DNER: variants seen among roughly 807,000 people sequenced by gnomAD.
DNER encodes delta/notch like EGF repeat containing, also known as delta and Notch-like epidermal growth factor-related receptor.
A neutral mutation model predicts 78.2 loss-of-function variants in DNER; 33 were observed. The observed-to-expected ratio is 0.42, with a 90% confidence interval of 0.32 to 0.56. The LOEUF (loss-of-function observed/expected upper bound fraction) is 0.56, where lower values mean the gene tolerates loss of function less well. DNER is among the 20% of genes least tolerant of loss of function. The pLI is 0.11. For synonymous variants in DNER, 417 were observed against 384.8 expected, an observed-to-expected ratio of 1.08 and a Z score of -0.98; for missense variants, 918 against 975.3, an observed-to-expected ratio of 0.94 and a Z score of 0.78.
intron 1 of DNER, among the ~76,000 whole-genome samples, chr2:229,680,468 T>C (rs1699367484): frequency 6.6e-6 from 1 of 152,236 alleles, no homozygotes; most frequent in African/African-American, 2.4e-5. Context: ...GAAGAACCAC[T>C]GCCCCCCAGA....
intron 1 of DNER, among the ~76,000 whole-genome samples, chr2:229,661,758 T>TCG (rs759864444): frequency 6.6e-6 from 1 of 152,196 alleles, no homozygotes; most frequent in Non-Finnish European, 1.5e-5. Flanking sequence ...AGTGGAAACT[T>TCG]TTTCAATTAA....
In DNER at chr2:229,631,448, A is replaced by G. The variant is rs1356546342; in HGVS notation, c.277-39560T>C. ...CTCCCCTCCAGCTTCTTCTTAAAAT[A>G]TAGAAAGAAGATGTCTGGAGGAAGA... On this transcript the variant is annotated intron_variant, in intron 1 of 12. Coordinates refer to ENST00000341772, the MANE Select transcript of DNER (RefSeq NM_139072.4). Among the ~76,000 whole-genome samples the G allele has an allele frequency of 2.0e-5, 3 of 152,244 alleles. No homozygotes were observed. The East Asian group carries it at 5.8e-4, about 29-fold the overall frequency.
chr2:229,373,913 C>T (rs1692544812), intron 11 of DNER, among the ~76,000 whole-genome samples: 1 of 152,122 alleles, frequency 6.6e-6, no homozygotes, highest in East Asian at 1.9e-4. Context: ...ACCTGTAATC[C>T]CAGCAGTTTG....
chr2:229,557,565 G>T (rs1696874328), intron 4 of DNER, among the ~76,000 whole-genome samples: 1 of 152,060 alleles, frequency 6.6e-6, no homozygotes, highest in East Asian at 1.9e-4. Flanking sequence ...CAATGAAGGT[G>T]CCCCAATAAA....
chr2:229,435,919 A>C (rs1321405796), intron 8 of DNER, among the ~76,000 whole-genome samples: 1 of 152,226 alleles, frequency 6.6e-6, no homozygotes, highest in Non-Finnish European at 1.5e-5. Context: ...AAAGATAAAC[A>C]TGTGCCTAAC....
At chr2:229,504,996 G>A (rs1695705309) in intron 6 of DNER, among the ~76,000 whole-genome samples, 1 of 152,318 alleles carries the variant, frequency 6.6e-6, no homozygotes, top group Non-Finnish European at 1.5e-5. Context: ...CCCTCCAGCC[G>A]TCCCTTTGCC....
intron 11 of DNER, among the ~76,000 whole-genome samples, chr2:229,371,092 T>C (rs1366334284): frequency 6.6e-6 from 1 of 152,194 alleles, no homozygotes; most frequent in Non-Finnish European, 1.5e-5. Context: ...CTTTCCTCTC[T>C]CCCCCTGCCC....
intron 5 of DNER, among the ~76,000 whole-genome samples, chr2:229,539,674 TC>T: frequency 6.6e-6 from 1 of 152,328 alleles, no homozygotes; most frequent in South Asian, 2.1e-4. Flanking sequence ...GATAGACAGT[TC>T]CTGAGCATCC....
chr2:229,612,568 G>A (rs558249640), intron 1 of DNER, among the ~76,000 whole-genome samples: 3 of 152,326 alleles, frequency 2.0e-5, no homozygotes, highest in Non-Finnish European at 4.4e-5. Context: ...GCTGTCCCTC[G>A]GAAGCTTGCA....
Position 229,513,449 on chromosome 2 carries a change from G to T in DNER, c.994-513C>A, listed in dbSNP as rs531855473. On this transcript the variant is annotated intron_variant, in intron 5 of 12. Coordinates refer to ENST00000341772, the MANE Select transcript of DNER (RefSeq NM_139072.4). ...ATGTACAGCCATGCAGATTACCTGA[G>T]TGCAAGGGAAAATAAAAGGAGTATA... Among the ~76,000 whole-genome samples, 10 of 152,312 alleles carry T rather than the reference G, an allele frequency of 6.6e-5. No homozygotes were observed. The South Asian group carries it at 2.1e-3, about 32-fold the overall frequency.
chr2:229,699,329 T>G (rs1699708500), intron 1 of DNER, among the ~76,000 whole-genome samples: 1 of 152,224 alleles, frequency 6.6e-6, no homozygotes, highest in Non-Finnish European at 1.5e-5. Flanking sequence ...CAACCCTTCT[T>G]AAAATAGGCA....
chr2:229,449,054 T>C (rs1350542159), intron 7 of DNER, among the ~76,000 whole-genome samples: 1 of 152,204 alleles, frequency 6.6e-6, no homozygotes, highest in Non-Finnish European at 1.5e-5. Flanking sequence ...TATAAAATTA[T>C]CCTCCAAAAA....
intron 8 of DNER, among the ~76,000 whole-genome samples, chr2:229,427,356 G>A (rs985039710): frequency 1.3e-5 from 2 of 152,172 alleles, no homozygotes; most frequent in African/African-American, 4.8e-5. Flanking sequence ...CTCCTTGATC[G>A]ATTCATTCTT....
chr2:229,705,309 C>T (rs753692343), intron 1 of DNER, among the ~76,000 whole-genome samples: 18 of 152,214 alleles, frequency 1.2e-4, no homozygotes, highest in African/African-American at 1.9e-4. Flanking sequence ...TTCTAAAGGA[C>T]CTGCTTGCTT....
chr2:229,672,770 TTCACAGTAG>T lies in DNER; in HGVS notation c.276+41369_276+41377del, dbSNP rs1320126047. 3.3e-5 allele frequency among the ~76,000 whole-genome samples: 5 copies of T among 152,278 alleles called. No individual in the cohort carries two copies. The East Asian group carries it at 7.7e-4, about 24-fold the overall frequency. Reference sequence around the variant, plus strand: ...ACTGTCACCACATTCTCCTATTCTCTTCACAGTAGTCACAAGTCTGCCTGCCCATGTTTA... The same window carrying T: ...ACTGTCACCACATTCTCCTATTCTCTTCACAAGTCTGCCTGCCCATGTTTA... On this transcript the variant is annotated intron_variant, in intron 1 of 12. Transcript: ENST00000341772.
At chr2:229,439,479 C>T (rs1694190170) in intron 8 of DNER, among the ~76,000 whole-genome samples, 3 of 152,180 alleles carry the variant, frequency 2.0e-5, no homozygotes. Flanking sequence ...GCCAATGGCA[C>T]AGCTGTTCGG....
chr2:229,641,008 C>G (rs1698611950), intron 1 of DNER, among the ~76,000 whole-genome samples: 1 of 152,068 alleles, frequency 6.6e-6, no homozygotes, highest in South Asian at 2.1e-4. Flanking sequence ...AAAGAGTTGT[C>G]TTGGGTCTGG....
intron 8 of DNER, 28 bp downstream of exon 8, chr2:229,447,288 A>C (rs1201096184): frequency 6.5e-7 from 1 of 1,547,344 alleles, no homozygotes; most frequent in Admixed American, 1.9e-5. Flanking sequence ...GAGAAAAGGA[A>C]GATGTACTGT....
intron 6 of DNER, among the ~76,000 whole-genome samples, chr2:229,502,009 C>T (rs2154211985): frequency 6.6e-6 from 1 of 152,264 alleles, no homozygotes; most frequent in South Asian, 2.1e-4. Flanking sequence ...GCTCAGTGGG[C>T]TGAATTGCAT....
Sources: allele counts gnomAD v4.1 joint callset (sites outside exome capture counted in the v4.1 genomes callset), GRCh38; gene constraint gnomAD v4.1.1; transcripts MANE v1.5; gene names NCBI Gene and HGNC (gene_info 2026-07-23, HGNC 2026-07-21).